Variants in BMP2K observed in about 807,000 individuals in gnomAD.
BMP2K encodes the protein BMP-2-inducible protein kinase.
In BMP2K, 74 loss-of-function variants were observed where a neutral mutation model predicts 116.0. The observed-to-expected ratio is 0.64, with a 90% CI of 0.53 to 0.77. BMP2K has a LOEUF of 0.77. Among genes scored for constraint, BMP2K ranks in the 30% least tolerant of loss-of-function variants. The probability of loss-of-function intolerance (pLI) is 0.00; values close to 1 mark genes in which losing one functional copy is unlikely to be tolerated. For synonymous variants in BMP2K, 486 were observed against 502.5 expected, an observed-to-expected ratio of 0.97 and a Z score of 0.44; for missense variants, 1,365 against 1,403.6, an observed-to-expected ratio of 0.97 and a Z score of 0.44.
At chr4:78,789,207 T>C (rs1382254402) in intron 1 of BMP2K, among the ~76,000 whole-genome samples, 1 of 152,212 alleles carries the variant, frequency 6.6e-6, no homozygotes, top group African/African-American at 2.4e-5. Context: ...GTTCCCTCAT[T>C]TAACCATGAG....
intron 15 of BMP2K, among the ~76,000 whole-genome samples, chr4:78,898,497 T>C (rs62307968): frequency 1.3e-5 from 2 of 150,900 alleles, no homozygotes; most frequent in South Asian, 4.2e-4. Context: ...GTGGAGGTAA[T>C]AGGTAGAAAT....
At chr4:78,854,216 T>G (rs1731393367) in intron 7 of BMP2K, among the ~76,000 whole-genome samples, 1 of 149,796 alleles carries the variant, frequency 6.7e-6, no homozygotes. Context: ...TGCTTTATGG[T>G]TTCTTTATCT....
chr4:78,829,921 G>C (rs1037362670), intron 2 of BMP2K, among the ~76,000 whole-genome samples: 1 of 150,416 alleles, frequency 6.6e-6, no homozygotes, highest in Non-Finnish European at 1.5e-5. Flanking sequence ...TGTGATCTTG[G>C]CTCACTGCAA....
At chr4:78,836,924 A>G (rs1730511391) in intron 3 of BMP2K, among the ~76,000 whole-genome samples, 1 of 152,114 alleles carries the variant, frequency 6.6e-6, no homozygotes, top group Non-Finnish European at 1.5e-5. Context: ...CTTTATCTAC[A>G]ACGTATTGAA....
At chr4:78,791,335 T>C (rs1027383695) in intron 1 of BMP2K, among the ~76,000 whole-genome samples, 2 of 152,222 alleles carry the variant, frequency 1.3e-5, no homozygotes, top group Admixed American at 6.5e-5. Context: ...GTATTTGCCA[T>C]TTACACTGTA....
intron 1 of BMP2K, among the ~76,000 whole-genome samples, chr4:78,788,774 G>T (rs1352279288): frequency 6.6e-6 from 1 of 151,652 alleles, no homozygotes; most frequent in East Asian, 1.9e-4. Flanking sequence ...GCATTTGTAA[G>T]GGCTGTATGA....
intron 7 of BMP2K, among the ~76,000 whole-genome samples, chr4:78,852,586 T>C (rs1162262108): frequency 6.6e-6 from 1 of 152,124 alleles, no homozygotes; most frequent in Non-Finnish European, 1.5e-5. Context: ...ACATTTAGAT[T>C]CTTTGCAATT....
At chr4:78,836,646 A>C (rs1184035742) in intron 3 of BMP2K, among the ~76,000 whole-genome samples, 1 of 152,096 alleles carries the variant, frequency 6.6e-6, no homozygotes, top group Non-Finnish European at 1.5e-5. Context: ...AATTTGGAAG[A>C]CTTTGTTTTT....
intron 1 of BMP2K, among the ~76,000 whole-genome samples, chr4:78,778,867 GGATACCACT>G (rs1727368152): frequency 6.6e-6 from 1 of 152,156 alleles, no homozygotes; most frequent in African/African-American, 2.4e-5. Flanking sequence ...TTGGGGAGAG[GGATACCACT>G]GAGTAGGCAA....
At chr4:78,832,934 T>C (rs1164140153) in intron 2 of BMP2K, among the ~76,000 whole-genome samples, 1 of 152,010 alleles carries the variant, frequency 6.6e-6, no homozygotes, top group Non-Finnish European at 1.5e-5. Flanking sequence ...ATATTTTTAA[T>C]AGTTGTTTTT....
rs776957015 is a variant in BMP2K at position 78,884,640 on chromosome 4, C to T, written c.1952-2534C>T. On this transcript the variant is annotated intron_variant, in intron 14 of 15. Transcript: ENST00000502613. ...TTTCTCACCCCCTCTTTTCTCTGTC[C>T]TCAGTGCTTTATACACTGGAATTTG... Among the ~76,000 whole-genome samples the T allele has an allele frequency of 1.3e-3, 198 of 152,176 alleles. 4 individuals are homozygous for T. The highest frequency in any genetic ancestry group is 7.9e-4 in the Admixed American group (12 of 15,272).
intron 1 of BMP2K, among the ~76,000 whole-genome samples, chr4:78,804,838 A>G (rs1051718001): frequency 6.6e-6 from 1 of 151,574 alleles, no homozygotes; most frequent in Non-Finnish European, 1.5e-5. Flanking sequence ...TTTATTAGAT[A>G]TAGAATTTGC....
chr4:78,893,563 TTAAA>T (rs1264515485), intron 15 of BMP2K, among the ~76,000 whole-genome samples: 12 of 152,238 alleles, frequency 7.9e-5, no homozygotes, highest in Non-Finnish European at 1.5e-5. Flanking sequence ...AATGTATTTC[TTAAA>T]TAATAAGACT....
At chr4:78,874,639 A>C (rs1732546426) in intron 13 of BMP2K, among the ~76,000 whole-genome samples, 1 of 152,226 alleles carries the variant, frequency 6.6e-6, no homozygotes, top group Non-Finnish European at 1.5e-5. Flanking sequence ...TATACTTCAT[A>C]TTCTAAAAGT....
intron 1 of BMP2K, among the ~76,000 whole-genome samples, chr4:78,817,891 G>A (rs1729429186): frequency 6.6e-6 from 1 of 152,118 alleles, no homozygotes; most frequent in African/African-American, 2.4e-5. Flanking sequence ...ATTCTAAGTG[G>A]TTCTGAAGCT....
intron 13 of BMP2K, among the ~76,000 whole-genome samples, chr4:78,878,481 T>C (rs1276434300): frequency 6.6e-6 from 1 of 152,150 alleles, no homozygotes; most frequent in Admixed American, 6.5e-5. Flanking sequence ...GGCAGAGAAG[T>C]TAAGGAACTT....
chr4:78,886,082 T>G (rs939098314), intron 14 of BMP2K, among the ~76,000 whole-genome samples: 10 of 152,188 alleles, frequency 6.6e-5, no homozygotes, highest in African/African-American at 2.4e-4. Context: ...ACTGTGTTGC[T>G]CAGGCTGGTT....
At chr4:78,867,489 T>G (rs1056829987) in intron 10 of BMP2K, among the ~76,000 whole-genome samples, 5 of 152,220 alleles carry the variant, frequency 3.3e-5, no homozygotes, top group Admixed American at 1.3e-4. Flanking sequence ...CTTTCTTACA[T>G]GCTTTCAGCT....
rs756430103 is a variant in BMP2K at position 78,910,884 on chromosome 4, A to G, written c.2337A>G (p.Pro779=). The G allele has an allele frequency of 3.2e-5, 51 of 1,613,890 alleles. 1 individual carries two copies. In the South Asian group the frequency reaches 5.6e-4, roughly 18 times the overall value. ...ATTTTAATGATGATGATACTGAACCAGAAAATCTGGGTCATAGGCCTCTCC... is the reference window on the plus strand; with the variant it reads ...ATTTTAATGATGATGATACTGAACCGGAAAATCTGGGTCATAGGCCTCTCC... ...QGDFNDDDTE[P]ENLGHRPLLM... is the part of the protein sequence containing the mutation. The change falls in exon 16 of 16, where the codon CCA becomes CCG. Residue 779 remains proline (P), a synonymous_variant. Coordinates refer to ENST00000502613, the MANE Select transcript of BMP2K (RefSeq NM_198892.2).
Sources: allele counts gnomAD v4.1 joint callset (sites outside exome capture counted in the v4.1 genomes callset), GRCh38; gene constraint gnomAD v4.1.1; transcripts MANE v1.5; gene names NCBI Gene and HGNC (gene_info 2026-07-23, HGNC 2026-07-21).